The following HS3ST5 variants were observed in gnomAD, a reference collection of about 807,000 sequenced individuals.
HS3ST5 encodes heparan sulfate-glucosamine 3-sulfotransferase 5, also known as heparan sulfate glucosamine 3-O-sulfotransferase 5.
A neutral mutation model predicts 25.4 loss-of-function variants in HS3ST5; 10 were observed. The observed-to-expected ratio is 0.39, with a 90% confidence interval of 0.24 to 0.67. HS3ST5 has a LOEUF of 0.67. Ranked by LOEUF, HS3ST5 falls within the 30% of genes least tolerant of loss-of-function variation. HS3ST5 has a pLI of 0.44. For synonymous variants in HS3ST5, 170 were observed against 162.4 expected, an observed-to-expected ratio of 1.05 and a Z score of -0.36; for missense variants, 324 against 420.7, an observed-to-expected ratio of 0.77 and a Z score of 2.01.
intron 1 of HS3ST5, among the ~76,000 whole-genome samples, chr6:114,313,025 GAAAAAAA>G (rs5879258): frequency 1.9e-4 from 3 of 16,126 alleles, no homozygotes; most frequent in East Asian, 5.0e-3. Context: ...CCCTGCATCA[GAAAAAAA>G]AAAAAAAAAA....
intron 3 of HS3ST5, among the ~76,000 whole-genome samples, chr6:114,161,162 G>A (rs1778927419): frequency 6.6e-6 from 1 of 151,876 alleles, no homozygotes; most frequent in Non-Finnish European, 1.5e-5. Flanking sequence ...CTCCCCTCAA[G>A]GTCAGCGATA....
chr6:114,148,263 AC>A (rs763286710), intron 3 of HS3ST5, among the ~76,000 whole-genome samples: 68 of 152,120 alleles, frequency 4.5e-4, no homozygotes, highest in Non-Finnish European at 7.5e-4. Flanking sequence ...CCTTCCTTAC[AC>A]CTTATACAAA....
chr6:114,298,621 TCC>T (rs1774930713), intron 1 of HS3ST5, among the ~76,000 whole-genome samples: 1 of 152,210 alleles, frequency 6.6e-6, no homozygotes, highest in Non-Finnish European at 1.5e-5. Flanking sequence ...TACACTCTTG[TCC>T]TATGTTGCGG....
In HS3ST5 at chr6:114,228,764, A is replaced by T. The variant is rs1771429750; in HGVS notation, c.-324T>A. On this transcript the variant is annotated 5_prime_UTR_variant, in exon 2 of 5. Coordinates refer to ENST00000312719, the MANE Select transcript of HS3ST5 (RefSeq NM_153612.4). Reference sequence around the variant, plus strand: ...GAAGACACCAATGCTGAAGACAGTGAGTATCTGATTATCTCTAAACAGAAC... The same window carrying T: ...GAAGACACCAATGCTGAAGACAGTGTGTATCTGATTATCTCTAAACAGAAC... 1 of 152,230 alleles carries T rather than the reference A, an allele frequency of 6.6e-6. No individual in the cohort carries two copies. Among genetic ancestry groups the T allele is most frequent in the Non-Finnish European group, 1.5e-5 (1 of 68,040 alleles). The allele number at this position is 152,230 out of a possible 1,614,324, so 9.4% of individuals were successfully genotyped here. A position where few individuals can be genotyped will look rare whatever the true frequency, so the allele number is the denominator to read the frequency against.
At chr6:114,255,580 C>A (rs190129692) in intron 1 of HS3ST5, among the ~76,000 whole-genome samples, 1 of 152,292 alleles carries the variant, frequency 6.6e-6, no homozygotes, top group East Asian at 1.9e-4. Context: ...TGAGGCCCAC[C>A]CCCTACCTGC....
intron 2 of HS3ST5, among the ~76,000 whole-genome samples, chr6:114,199,523 CA>C (rs1449589103): frequency 6.6e-6 from 1 of 152,052 alleles, no homozygotes; most frequent in African/African-American, 2.4e-5. Context: ...AGAAGTCCTA[CA>C]GTAAAAAAAT....
chr6:114,156,442 G>A (rs1562218896), intron 3 of HS3ST5, among the ~76,000 whole-genome samples: 1 of 152,212 alleles, frequency 6.6e-6, no homozygotes, highest in African/African-American at 2.4e-5. Context: ...TTTTGTAGTT[G>A]TGCTTAAGTT....
intron 3 of HS3ST5, among the ~76,000 whole-genome samples, chr6:114,099,706 A>G (rs1775626137): frequency 6.6e-6 from 1 of 152,162 alleles, no homozygotes; most frequent in African/African-American, 2.4e-5. Context: ...CAAATAATCC[A>G]CATATATTGC....
intron 2 of HS3ST5, among the ~76,000 whole-genome samples, chr6:114,190,400 G>T (rs1459026090): frequency 2.0e-5 from 3 of 152,130 alleles, no homozygotes; most frequent in African/African-American, 7.2e-5. Flanking sequence ...TCATTTCCAT[G>T]ATTACATCTG....
intron 3 of HS3ST5, among the ~76,000 whole-genome samples, chr6:114,129,794 T>A (rs544561976): frequency 2.6e-5 from 4 of 152,346 alleles, no homozygotes; most frequent in African/African-American, 9.6e-5. Flanking sequence ...AAAAGTAGTA[T>A]GATAATGTTG....
At chr6:114,225,514 G>T (rs767068002) in intron 2 of HS3ST5, among the ~76,000 whole-genome samples, 7 of 151,770 alleles carry the variant, frequency 4.6e-5, no homozygotes, top group Non-Finnish European at 8.9e-5. Flanking sequence ...TTTTCTTAGG[G>T]TCATGCCGCT....
chr6:114,251,504 C>CA (rs780322384), intron 1 of HS3ST5: 27 of 152,114 alleles, frequency 1.8e-4, no homozygotes, highest in Non-Finnish European at 3.5e-4. Context: ...CATTCCCTTT[C>CA]CCCCTTCCTT....
chr6:114,081,059 A>G (rs1396703354), intron 3 of HS3ST5, among the ~76,000 whole-genome samples: 2 of 152,314 alleles, frequency 1.3e-5, no homozygotes, highest in Non-Finnish European at 1.5e-5. Flanking sequence ...CTCAGGGAAT[A>G]GGGAGGCCTG....
At chr6:114,312,855 C>T (rs1297525969) in intron 1 of HS3ST5, among the ~76,000 whole-genome samples, 2 of 151,388 alleles carry the variant, frequency 1.3e-5, no homozygotes, top group East Asian at 3.9e-4. Context: ...ACGCTGAAAC[C>T]CCATTTCTAT....
intron 1 of HS3ST5, among the ~76,000 whole-genome samples, chr6:114,338,311 G>GTA (rs1199637176): frequency 6.6e-6 from 1 of 151,110 alleles, no homozygotes; most frequent in Non-Finnish European, 1.5e-5. Flanking sequence ...TACACATTGT[G>GTA]TATATATATA....
At chr6:114,257,574 G>A (rs1772986876) in intron 1 of HS3ST5, among the ~76,000 whole-genome samples, 1 of 152,092 alleles carries the variant, frequency 6.6e-6, no homozygotes, top group Non-Finnish European at 1.5e-5. Context: ...CTCAAGAATT[G>A]ATTAAAACTA....
At chr6:114,162,477 C>T (rs1440413510) in intron 3 of HS3ST5, among the ~76,000 whole-genome samples, 1 of 152,128 alleles carries the variant, frequency 6.6e-6, no homozygotes, top group Non-Finnish European at 1.5e-5. Flanking sequence ...TTTCTTTGCT[C>T]CTGTTCTTTT....
intron 2 of HS3ST5, among the ~76,000 whole-genome samples, chr6:114,181,635 C>A (rs1233480817): frequency 6.6e-6 from 1 of 152,152 alleles, no homozygotes; most frequent in Admixed American, 6.6e-5. Context: ...TGTTCTCTAA[C>A]CTTGTATTAA....
intron 1 of HS3ST5, among the ~76,000 whole-genome samples, chr6:114,327,295 G>A (rs1776211734): frequency 6.6e-6 from 1 of 152,090 alleles, no homozygotes; most frequent in African/African-American, 2.4e-5. Context: ...ACCTGGCTGT[G>A]GGCTTTCACT....
Sources: gnomAD v4.1 joint callset for allele counts (sites outside exome capture counted in the v4.1 genomes callset) on GRCh38, gnomAD v4.1.1 for gene constraint, MANE v1.5 for transcripts, NCBI Gene and HGNC (gene_info 2026-07-23, HGNC 2026-07-21) for gene names.